Variants in SASH1 observed in about 807,000 individuals in gnomAD.
SASH1 encodes the protein SAM and SH3 domain containing 1, also known as SAM and SH3 domain-containing protein 1.
Under a neutral mutation model 125.2 loss-of-function variants are expected in SASH1, and 44 were observed. The ratio of observed to expected loss-of-function variants is 0.35; its 90% CI spans 0.28 to 0.45. The LOEUF (loss-of-function observed/expected upper bound fraction) is 0.45. Ranked by LOEUF, SASH1 falls within the 20% of genes least tolerant of loss-of-function variation. The pLI is 1.00. For missense variants in SASH1, 1,426 were observed against 1,614.5 expected (o/e 0.88, Z 2.00); for synonymous variants, 639 against 649.1 (o/e 0.98, Z 0.24).
intron 4 of SASH1, among the ~76,000 whole-genome samples, chr6:148,448,506 G>A (rs150691663): frequency 6.6e-5 from 10 of 151,984 alleles, no homozygotes; most frequent in South Asian, 2.1e-4. Flanking sequence ...ACTTTTCCCC[G>A]GGTCACACTT....
chr6:148,314,654 C>T (rs796390768), intron 1 of SASH1, among the ~76,000 whole-genome samples: 30 of 152,118 alleles, frequency 2.0e-4, no homozygotes, highest in African/African-American at 7.0e-4. Flanking sequence ...TGCGTCTCCA[C>T]CCAACATCAT....
intron 1 of SASH1, among the ~76,000 whole-genome samples, chr6:148,352,409 C>T (rs929365300): frequency 6.6e-6 from 1 of 151,894 alleles, no homozygotes; most frequent in Admixed American, 6.6e-5. Flanking sequence ...CCACCCTGGC[C>T]AACATAGTGA....
At chr6:148,484,482 G>A (rs570598562) in intron 7 of SASH1, among the ~76,000 whole-genome samples, 2 of 150,658 alleles carry the variant, frequency 1.3e-5, no homozygotes, top group South Asian at 2.1e-4. Flanking sequence ...AAAACTTCTC[G>A]AACCAAAGTG....
the SASH1 span, among the ~76,000 whole-genome samples, chr6:148,233,718 G>A: frequency 5.4e-5 from 6 of 110,716 alleles, no homozygotes; most frequent in East Asian, 1.4e-3. Context: ...AACACAGGGA[G>A]CTATGATGGC....
In SASH1 at chr6:148,387,672, CTTTCTTTCTTTCTT is replaced by C. The variant is rs1783519931; in HGVS notation, c.157-2460_157-2447del. ...TCTTTCTTTCTTTCTTTCTTTCTTT[CTTTCTTTCTTTCTT>C]TCTTTCGGCATCCTTAGTAAATTAT... On this transcript the variant is annotated intron_variant, in intron 1 of 19. Coordinates refer to ENST00000367467, the MANE Select transcript of SASH1 (RefSeq NM_015278.5). Among the ~76,000 whole-genome samples, 5 of 82,508 alleles carry C rather than the reference CTTTCTTTCTTTCTT, an allele frequency of 6.1e-5. No homozygotes were observed. In the East Asian group the frequency reaches 1.4e-3, roughly 23 times the overall value. The allele number at this position is 82,508 out of a possible 152,430, so 54.1% of individuals were successfully genotyped here.
intron 1 of SASH1, among the ~76,000 whole-genome samples, chr6:148,302,801 C>T (rs1002513284): frequency 3.7e-5 from 5 of 134,976 alleles, no homozygotes; most frequent in Non-Finnish European, 4.7e-5. Flanking sequence ...TGTATATATT[C>T]GAACTCCTGA....
Position 148,343,211 on chromosome 6 carries a change from G to T in SASH1, c.144G>T (p.Val48=). ...CGTTCTCCCGACTCTGGACCGACGT[G>T]ATGGGTATCCTGGTAAGTTACCTGG... ...SEAFSRLWTD[V]MGILDGSLGN... The change falls in exon 1 of 20, where the codon GTG becomes GTT. Residue 48 remains valine (V), a synonymous_variant. Coordinates refer to ENST00000367467, the MANE Select transcript of SASH1 (RefSeq NM_015278.5). 1 of 1,591,842 alleles carries T rather than the reference G, an allele frequency of 6.3e-7. No individual in the cohort carries two copies. Among genetic ancestry groups the T allele is most frequent in the African/African-American group, 1.3e-5 (1 of 74,538 alleles).
Position 148,544,464 on chromosome 6 carries a change from C to T in SASH1, c.2994C>T (p.Asn998=), listed in dbSNP as rs61996301. The change falls in exon 18 of 20, where the codon AAC becomes AAT. Residue 998 remains asparagine (N), a synonymous_variant. Transcript: ENST00000367467. This position sits in a 1 kb window ranked among gnomAD's most constrained non-coding sequence, Gnocchi z 6.4. ...PAKKSRERLA[N]GLHPVPMGPS... is the part of the protein sequence containing the mutation. ...AAAAGAGCAGAGAACGCCTTGCTAACGGACTCCACCCTGTTCCCATGGGCC... is the reference window on the plus strand; with the variant it reads ...AAAAGAGCAGAGAACGCCTTGCTAATGGACTCCACCCTGTTCCCATGGGCC... 2.6e-4 allele frequency: 425 copies of T among 1,614,146 alleles called. No individual in the cohort carries two copies. In the African/African-American group the frequency reaches 4.7e-3, roughly 18 times the overall value.
Position 148,534,895 on chromosome 6 carries a change from T to C in SASH1, c.2089T>C (p.Tyr697His). ...LLTAVELLQE[Y>H]DSNSDQSGSQ... Reference sequence around the variant, plus strand: ...GACAGCAGTGGAGCTGTTACAAGAGTATGACAGTAAGTCCCTGTATGCACA... The same window carrying C: ...GACAGCAGTGGAGCTGTTACAAGAGCATGACAGTAAGTCCCTGTATGCACA... The change falls in exon 16 of 20, where the codon TAT (tyrosine) becomes CAT (histidine). Residue 697 changes from tyrosine (Y) to histidine (H), a missense_variant. By Grantham distance (83) the Tyr-to-His change is moderately conservative (BLOSUM62 2). Transcript: ENST00000367467. 6.2e-7 allele frequency: 1 copy of C among 1,614,032 alleles called. No homozygotes were observed. Among genetic ancestry groups the C allele is most frequent in the East Asian group, 2.2e-5 (1 of 44,876 alleles).
chr6:148,328,592 CAA>C (rs67955694), intron 1 of SASH1, among the ~76,000 whole-genome samples: 23 of 134,940 alleles, frequency 1.7e-4, no homozygotes, highest in South Asian at 2.3e-4. Flanking sequence ...GACTCCATCT[CAA>C]AAAAAAAAAA....
chr6:148,472,067 T>C (rs1263867475), intron 6 of SASH1, among the ~76,000 whole-genome samples: 2 of 152,180 alleles, frequency 1.3e-5, no homozygotes, highest in African/African-American at 4.8e-5. Flanking sequence ...TAAGTAAATA[T>C]ATCATCCCTT....
chr6:148,241,050 G>A, the SASH1 span, among the ~76,000 whole-genome samples: 1 of 151,858 alleles, frequency 6.6e-6, no homozygotes, highest in African/African-American at 2.4e-5. Context: ...CCTATTTTTG[G>A]CAAGCTCTGA....
intron 1 of SASH1, among the ~76,000 whole-genome samples, chr6:148,299,671 G>GAAAAAAAAAAAAAAAAAAAAA (rs57758957): frequency 8.7e-6 from 1 of 114,978 alleles, no homozygotes. Context: ...CACCTCAAAA[G>GAAAAAAAAAAAAAAAAAAAAA]AAAAAAAAAA....
chr6:148,545,482 C>G (rs2115461849), intron 18 of SASH1, among the ~76,000 whole-genome samples: 1 of 152,304 alleles, frequency 6.6e-6, no homozygotes, highest in Admixed American at 6.5e-5. Context: ...GCCTAGTGAG[C>G]TGGTGGTATC....
chr6:148,208,068 C>T, the SASH1 span, among the ~76,000 whole-genome samples: 1 of 152,210 alleles, frequency 6.6e-6, no homozygotes, highest in African/African-American at 2.4e-5. Context: ...CCTGCCCCAC[C>T]TCTTCCTGCT....
At chr6:148,361,554 C>T (rs187979259) in intron 1 of SASH1, among the ~76,000 whole-genome samples, 98 of 151,672 alleles carry the variant, frequency 6.5e-4, no homozygotes, top group East Asian at 3.7e-3. Flanking sequence ...GTGAGCTGAT[C>T]GCACCATTGC....
intron 1 of SASH1, among the ~76,000 whole-genome samples, chr6:148,375,734 CAT>C (rs1252654343): frequency 6.6e-6 from 1 of 152,176 alleles, no homozygotes; most frequent in East Asian, 1.9e-4. Context: ...AGATAATACA[CAT>C]GTGCCGGAAC....
intron 10 of SASH1, chr6:148,520,342 G>A (rs1583293684): frequency 5.7e-6 from 1 of 175,786 alleles, no homozygotes; most frequent in Non-Finnish European, 1.2e-5. Flanking sequence ...ACGGTCGACC[G>A]CTGTACTAAA....
At chr6:148,392,147 G>A (rs1477734184) in intron 2 of SASH1, among the ~76,000 whole-genome samples, 1 of 152,102 alleles carries the variant, frequency 6.6e-6, no homozygotes, top group Admixed American at 6.6e-5. Context: ...TTAGCCGGGC[G>A]TGGTGGCGCA....
Sources: gnomAD v4.1 joint callset for allele counts (sites outside exome capture counted in the v4.1 genomes callset) on GRCh38, gnomAD v4.1.1 for gene constraint, Gnocchi (gnomAD v3.1) non-coding constraint, MANE v1.5 for transcripts, NCBI Gene and HGNC (gene_info 2026-07-23, HGNC 2026-07-21) for gene names.